The following PTPRJ variants were observed in gnomAD, a reference collection of about 807,000 sequenced individuals.
PTPRJ encodes receptor-type tyrosine-protein phosphatase eta.
Under a neutral mutation model 141.3 loss-of-function variants are expected in PTPRJ, and 129 were observed. That is an observed-to-expected ratio of 0.91 (90% CI 0.79 to 1.06). PTPRJ has a LOEUF of 1.06. Ranked by LOEUF, PTPRJ falls within the 50% of genes least tolerant of loss-of-function variation. The pLI, the probability that PTPRJ is intolerant of heterozygous loss-of-function variation, is 0.00. For synonymous variants in PTPRJ, 610 were observed against 640.5 expected (o/e 0.95, Z 0.72); for missense variants, 1,601 against 1,679.7 (o/e 0.95, Z 0.82).
intron 1 of PTPRJ, among the ~76,000 whole-genome samples, chr11:48,054,823 T>C (rs1854711469): frequency 6.6e-6 from 1 of 151,824 alleles, no homozygotes; most frequent in Admixed American, 6.6e-5. Context: ...CTTTCTTTTT[T>C]TTTTTTTTAA....
At position 48,169,179 on chromosome 11, in the gene PTPRJ, T is replaced by C. The variant is rs139364012; in HGVS notation, c.*1817T>C. ...TGTGGTTCGGAGGGTTAGTGCTGTATGCCTTTTATTTCCCTTTCCCTTTGA... is the reference window on the plus strand; with the variant it reads ...TGTGGTTCGGAGGGTTAGTGCTGTACGCCTTTTATTTCCCTTTCCCTTTGA... On this transcript the variant is annotated 3_prime_UTR_variant, in exon 25 of 25. Transcript: ENST00000418331. The C allele has an allele frequency of 1.3e-5, 2 of 152,344 alleles. No homozygotes were observed. The highest frequency in any genetic ancestry group is 2.9e-5 in the Non-Finnish European group (2 of 68,020). 9.4% of individuals were successfully genotyped at this position (152,344 alleles called of 1,614,324 possible).
In PTPRJ at chr11:47,980,920, C is replaced by T. The variant is rs1386421417; in HGVS notation, c.8C>T (p.Pro3Leu). The change falls in exon 1 of 25, where the codon CCG becomes CTG. Residue 3 changes from proline (P) to leucine (L), a missense_variant. Transcript: ENST00000418331. MK[P>L]AAREARLPPR... The stretch of plus-strand genomic sequence containing the variant: ...TTCCAGGGCGCGCGGGGCATGAAGC[C>T]GGCGGCGCGGGAGGCGCGGCTGCCT... 3 of 1,166,098 alleles carry T rather than the reference C, an allele frequency of 2.6e-6. No individual in the cohort carries two copies. In the East Asian group the frequency reaches 1.2e-4, roughly 45 times the overall value. The allele number at this position is 1,166,098 out of a possible 1,614,324, so 72.2% of individuals were successfully genotyped here.
At chr11:48,118,619 C>T (rs1412191043) in intron 3 of PTPRJ, among the ~76,000 whole-genome samples, 1 of 152,128 alleles carries the variant, frequency 6.6e-6, no homozygotes, top group African/African-American at 2.4e-5. Context: ...AACTGGGATT[C>T]TTCCTAGAAA....
At chr11:48,109,771 G>T (rs750640137) in intron 1 of PTPRJ, among the ~76,000 whole-genome samples, 1 of 152,090 alleles carries the variant, frequency 6.6e-6, no homozygotes, top group Non-Finnish European at 1.5e-5. Flanking sequence ...GCTCCGGGGA[G>T]AGGGCTGGAG....
chr11:48,006,790 T>C (rs1486226293), intron 1 of PTPRJ, among the ~76,000 whole-genome samples: 1 of 152,148 alleles, frequency 6.6e-6, no homozygotes, highest in Non-Finnish European at 1.5e-5. Context: ...GCCTGGGTTT[T>C]GTAAAAAGCT....
At chr11:48,014,070 G>A (rs1261263519) in intron 1 of PTPRJ, among the ~76,000 whole-genome samples, 1 of 152,164 alleles carries the variant, frequency 6.6e-6, no homozygotes, top group Non-Finnish European at 1.5e-5. Context: ...GAGTTAGTAG[G>A]TGGTGGTGAT....
At position 48,168,107 on chromosome 11, in the gene PTPRJ, C is replaced by T. The variant is rs1015811150; in HGVS notation, c.*745C>T. The T allele has an allele frequency of 2.6e-5, 4 of 152,076 alleles. No homozygotes were observed. The highest frequency in any genetic ancestry group is 5.9e-5 in the Non-Finnish European group (4 of 68,040). The allele number at this position is 152,076 out of a possible 1,614,324, so 9.4% of individuals were successfully genotyped here. A position where few individuals can be genotyped will look rare whatever the true frequency, so the allele number is the denominator to read the frequency against. ...TGCTCCATTTTTTCTTCCCTTTTCC[C>T]TCCCAGTTTTCTCCAAAGACTCTTC... On this transcript the variant is annotated 3_prime_UTR_variant, in exon 25 of 25. Transcript: ENST00000418331.
chr11:48,145,928 C>T (rs148891869), intron 14 of PTPRJ, among the ~76,000 whole-genome samples: 1,669 of 152,280 alleles, frequency 0.011, 33 homozygotes, highest in African/African-American at 0.039. Context: ...TCATAGCTCA[C>T]TGTAACTTTG....
At chr11:48,051,293 C>T (rs1339736259) in intron 1 of PTPRJ, among the ~76,000 whole-genome samples, 1 of 151,916 alleles carries the variant, frequency 6.6e-6, no homozygotes, top group Non-Finnish European at 1.5e-5. Context: ...CAGGGTTTTG[C>T]CATGCTGCTC....
chr11:48,070,474 C>T (rs1302002929), intron 1 of PTPRJ, among the ~76,000 whole-genome samples: 1 of 143,562 alleles, frequency 7.0e-6, no homozygotes, highest in Non-Finnish European at 1.5e-5. Flanking sequence ...GCATTCCAGC[C>T]TGGGTGACAG....
chr11:48,156,021 G>A lies in PTPRJ; in HGVS notation c.3340G>A (p.Gly1114Arg). ...CAAGAAAGATTTTATTGCCACACAA[G>A]GACCTTTACCGAACACTTTGAAAGA... ...HSKKDFIATQ[G>R]PLPNTLKDFW... Residue 1114 changes from glycine to arginine, a missense_variant, in exon 21 of 25, where the codon GGA becomes AGA. Transcript: ENST00000418331. 1 of 1,608,656 alleles carries A rather than the reference G, an allele frequency of 6.2e-7. No individual in the cohort carries two copies. Among genetic ancestry groups the A allele is most frequent in the Non-Finnish European group, 8.5e-7 (1 of 1,175,044 alleles).
At chr11:47,989,339 T>C (rs1408171239) in intron 1 of PTPRJ, among the ~76,000 whole-genome samples, 2 of 151,702 alleles carry the variant, frequency 1.3e-5, no homozygotes, top group Admixed American at 1.3e-4. Flanking sequence ...TGATCTTGGC[T>C]CACTGCAACC....
intron 1 of PTPRJ, among the ~76,000 whole-genome samples, chr11:48,029,952 G>A (rs1383109798): frequency 6.6e-6 from 1 of 152,184 alleles, no homozygotes; most frequent in Non-Finnish European, 1.5e-5. Context: ...GACTCACAAA[G>A]GCCCCTGATG....
chr11:48,061,677 C>G (rs180867505), intron 1 of PTPRJ, among the ~76,000 whole-genome samples: 1 of 152,120 alleles, frequency 6.6e-6, no homozygotes, highest in African/African-American at 2.4e-5. Context: ...CACACAGGTG[C>G]GAGTCCCACC....
chr11:48,093,966 T>A (rs554977977), intron 1 of PTPRJ, among the ~76,000 whole-genome samples: 1 of 152,358 alleles, frequency 6.6e-6, no homozygotes, highest in African/African-American at 2.4e-5. Context: ...CATTAACTGC[T>A]GACCTTGCCA....
chr11:48,107,589 G>A (rs190832219), intron 1 of PTPRJ, among the ~76,000 whole-genome samples: 120 of 152,268 alleles, frequency 7.9e-4, no homozygotes, highest in African/African-American at 2.8e-3. Context: ...TGCTCCTTTT[G>A]TCCAGCTATG....
At chr11:47,995,694 T>A (rs1208888862) in intron 1 of PTPRJ, among the ~76,000 whole-genome samples, 1 of 152,188 alleles carries the variant, frequency 6.6e-6, no homozygotes, top group Non-Finnish European at 1.5e-5. Flanking sequence ...TGGGATTTCA[T>A]AGAGATCGAA....
intron 1 of PTPRJ, among the ~76,000 whole-genome samples, chr11:48,003,278 A>G (rs1422415546): frequency 2.0e-5 from 3 of 152,186 alleles, no homozygotes; most frequent in Non-Finnish European, 4.4e-5. Flanking sequence ...GCAAGGACCA[A>G]TATCTTCATG....
chr11:47,995,247 G>A (rs781725523), intron 1 of PTPRJ, among the ~76,000 whole-genome samples: 3 of 152,190 alleles, frequency 2.0e-5, no homozygotes, highest in Non-Finnish European at 4.4e-5. Context: ...ACCATCGGTT[G>A]AATATTTATC....
Sources: allele counts gnomAD v4.1 joint callset (sites outside exome capture counted in the v4.1 genomes callset), GRCh38; gene constraint gnomAD v4.1.1; transcripts MANE v1.5; gene names NCBI Gene and HGNC (gene_info 2026-07-23, HGNC 2026-07-21).